The following THTPA variants were observed in gnomAD, a reference collection of about 807,000 sequenced individuals.
The protein encoded by THTPA is thiamine-triphosphatase.
Under a neutral mutation model 16.5 loss-of-function variants are expected in THTPA, and 16 were observed. That is an observed-to-expected ratio of 0.97 (90% confidence interval 0.66 to 1.47). The LOEUF is 1.47. Ranked by LOEUF, THTPA falls within the 40% of genes most tolerant of loss-of-function variation. THTPA has a pLI of 0.00. For missense variants in THTPA, 281 were observed against 280.9 expected, an observed-to-expected ratio of 1.00 and a Z score of 0.00; for synonymous variants, 110 against 115.5, an observed-to-expected ratio of 0.95 and a Z score of 0.30.
the THTPA span, chr14:23,529,715 T>C: frequency 6.5e-7 from 1 of 1,536,184 alleles, no homozygotes; most frequent in Non-Finnish European, 8.7e-7. Flanking sequence ...CTGACCGTGG[T>C]CTGGTTGGCA....
the THTPA span, chr14:23,535,203 G>A: frequency 6.5e-7 from 1 of 1,529,428 alleles, no homozygotes; most frequent in South Asian, 1.2e-5. The surrounding 1 kb of genome is among the most constrained non-coding windows in gnomAD (Gnocchi z 4.5). Flanking sequence ...AGGCAGCAGG[G>A]GGATCTTTGG....
the THTPA span, among the ~76,000 whole-genome samples, chr14:23,541,007 G>A: frequency 6.6e-6 from 1 of 152,024 alleles, no homozygotes; most frequent in Non-Finnish European, 1.5e-5. Context: ...CCAGGTTCAA[G>A]TGATTCTCCC....
chr14:23,524,028 T>C, the THTPA span: 1 of 1,515,126 alleles, frequency 6.6e-7, no homozygotes, highest in Non-Finnish European at 8.8e-7. This position sits in a 1 kb window ranked among gnomAD's most constrained non-coding sequence, Gnocchi z 5.6. Context: ...GAAGCAAGCG[T>C]GGCAGTGGGG....
At chr14:23,528,867 C>T in the THTPA span, 1 of 982,760 alleles carries the variant, frequency 1.0e-6, no homozygotes, top group Non-Finnish European at 1.2e-6. Context: ...TGCATCCAGG[C>T]TGGCACCAGT....
the THTPA span, chr14:23,530,129 C>G: frequency 6.5e-7 from 1 of 1,536,072 alleles, no homozygotes; most frequent in Non-Finnish European, 8.7e-7. Context: ...CCCAATTGTT[C>G]TGTCTTGTTC....
At chr14:23,557,423 A>G (rs1882538930) in intron 1 of THTPA, 119 bp downstream of exon 1, 2 of 1,165,542 alleles carry the variant, frequency 1.7e-6, no homozygotes, top group Non-Finnish European at 2.3e-6. Context: ...TTTAATAGAG[A>G]CAAGGTTTTG....
At chr14:23,523,092 A>C in the THTPA span, 1 of 1,400,460 alleles carries the variant, frequency 7.1e-7, no homozygotes, top group Admixed American at 3.2e-5. This position sits in a 1 kb window ranked among gnomAD's most constrained non-coding sequence, Gnocchi z 4.1. Context: ...CCTGATGCAA[A>C]GGAAGGCCAC....
rs1003435008 is a variant in THTPA, at chr14:23,559,094, G to A, written c.*254G>A. 11 of 492,074 alleles carry A rather than the reference G, an allele frequency of 2.2e-5. No homozygotes were observed. Among genetic ancestry groups the A allele is most frequent in the Admixed American group, 7.1e-5 (2 of 28,174 alleles). 30.5% of individuals were successfully genotyped at this position (492,074 alleles called of 1,614,324 possible). A position where few individuals can be genotyped will look rare whatever the true frequency, so the allele number is the denominator to read the frequency against. ...AAGCAGCCTCCATTGATTTCCGCTC[G>A]TGTTTATAGGATTTCCACTTAGCCG... is the stretch of plus-strand genomic sequence containing the variant. On this transcript the variant is annotated 3_prime_UTR_variant, in exon 2 of 2. Transcript: ENST00000288014.
At chr14:23,527,815 C>T in the THTPA span, 3 of 1,515,406 alleles carry the variant, frequency 2.0e-6, no homozygotes, top group Admixed American at 2.0e-5. Context: ...CTGGAGGGAA[C>T]ATATGGGCAG....
the THTPA span, chr14:23,543,062 T>G: frequency 2.0e-5 from 3 of 152,200 alleles, no homozygotes; most frequent in Non-Finnish European, 2.9e-5. Flanking sequence ...TGTAAATAAG[T>G]CTTTCTGGTT....
chr14:23,515,001 G>C, the THTPA span, among the ~76,000 whole-genome samples: 1 of 152,154 alleles, frequency 6.6e-6, no homozygotes, highest in African/African-American at 2.4e-5. Flanking sequence ...AACAAGCACA[G>C]AGGGACAGGC....
At chr14:23,520,531 T>G in the THTPA span, among the ~76,000 whole-genome samples, 1 of 152,172 alleles carries the variant, frequency 6.6e-6, no homozygotes, top group Non-Finnish European at 1.5e-5. The surrounding 1 kb of genome is among the most constrained non-coding windows in gnomAD (Gnocchi z 8.7). Flanking sequence ...CAAGATACTT[T>G]TGGTGACACT....
Position 23,556,852 on chromosome 14 carries a change from G to A in THTPA, c.95G>A (p.Arg32Gln). The change falls in exon 1 of 2, where the codon CGG becomes CAG. Residue 32 changes from arginine to glutamine, a missense_variant. Physicochemically the swap from Arg to Gln is conservative, Grantham distance 43. Transcript: ENST00000288014. ...GAGTTGGGGGGCACCCTGGAGTACC[G>A]GGTCACCTTCCGAGACACCTACTAT... ...LQELGGTLEY[R>Q]VTFRDTYYDT... The A allele has an allele frequency of 1.2e-6, 2 of 1,612,986 alleles. No homozygotes were observed. Among genetic ancestry groups the A allele is most frequent in the Non-Finnish European group, 1.7e-6 (2 of 1,179,506 alleles).
chr14:23,530,741 C>A, the THTPA span: 7 of 296,410 alleles, frequency 2.4e-5, no homozygotes, highest in African/African-American at 1.6e-4. Flanking sequence ...AGCTATTGAT[C>A]TGGGCCCCTC....
chr14:23,543,816 C>T, the THTPA span: 1 of 152,108 alleles, frequency 6.6e-6, no homozygotes, highest in Admixed American at 6.5e-5. Context: ...CAAGCACTCT[C>T]CCTCCAACAG....
chr14:23,534,278 T>G, the THTPA span: 1 of 1,531,212 alleles, frequency 6.5e-7, no homozygotes, highest in Non-Finnish European at 8.7e-7. The surrounding 1 kb of genome is among the most constrained non-coding windows in gnomAD (Gnocchi z 4.5). Context: ...CAGGTGGCTG[T>G]GGGTGGAGAG....
the THTPA span, among the ~76,000 whole-genome samples, chr14:23,549,521 A>G: frequency 1.3e-5 from 2 of 152,178 alleles, no homozygotes; most frequent in African/African-American, 4.8e-5. Context: ...AGCTTTTATT[A>G]CACTAATAAA....
chr14:23,515,520 G>A, the THTPA span, among the ~76,000 whole-genome samples: 1 of 152,156 alleles, frequency 6.6e-6, no homozygotes, highest in Non-Finnish European at 1.5e-5. Flanking sequence ...CTGGTAGAGG[G>A]GAAGGCCCCT....
Position 23,560,111 on chromosome 14 carries a change from C to G in THTPA, c.*1271C>G. The G allele has an allele frequency of 6.4e-6, 9 of 1,404,642 alleles. No individual in the cohort carries two copies. The highest frequency in any genetic ancestry group is 8.9e-6 in the Non-Finnish European group (9 of 1,011,270). 87.0% of individuals were successfully genotyped at this position (1,404,642 alleles called of 1,614,324 possible). A position where few individuals can be genotyped will look rare whatever the true frequency, so the allele number is the denominator to read the frequency against. ...GGCAGCCCCTCTATACTCAGTGGCT[C>G]CACACCCTTTTCCTGTAACTCCCCA... is the stretch of plus-strand genomic sequence containing the variant. On this transcript the variant is annotated 3_prime_UTR_variant, in exon 2 of 2. Coordinates refer to ENST00000288014, the MANE Select transcript of THTPA (RefSeq NM_024328.6).
Sources: allele counts gnomAD v4.1 joint callset (sites outside exome capture counted in the v4.1 genomes callset), GRCh38; gene constraint gnomAD v4.1.1; non-coding constraint Gnocchi (gnomAD v3.1); transcripts MANE v1.5; gene names NCBI Gene and HGNC (gene_info 2026-07-23, HGNC 2026-07-21).